The following IQCM variants were observed in gnomAD, a reference collection of about 807,000 sequenced individuals.
IQCM encodes IQ motif containing M, also known as IQ domain-containing protein M.
In IQCM, 45 loss-of-function variants were observed where a neutral mutation model predicts 57.6. That is an observed-to-expected ratio of 0.78 (90% CI 0.62 to 1.00). The LOEUF (loss-of-function observed/expected upper bound fraction) is 1.00, where lower values mean the gene tolerates loss of function less well. Among genes scored for constraint, IQCM ranks in the 50% least tolerant of loss-of-function variants. IQCM has a pLI of 0.00. For synonymous variants in IQCM, 148 were observed against 158.9 expected, an observed-to-expected ratio of 0.93 and a Z score of 0.51; for missense variants, 468 against 511.6, an observed-to-expected ratio of 0.91 and a Z score of 0.82.
intron 13 of IQCM, among the ~76,000 whole-genome samples, chr4:149,354,686 A>T (rs1728834687): frequency 6.6e-6 from 1 of 152,162 alleles, no homozygotes; most frequent in African/African-American, 2.4e-5. Flanking sequence ...GCCCAAGTTC[A>T]TGTTCTTATA....
At chr4:149,455,993 A>T (rs190065055) in intron 12 of IQCM, among the ~76,000 whole-genome samples, 1 of 152,100 alleles carries the variant, frequency 6.6e-6, no homozygotes, top group Non-Finnish European at 1.5e-5. Context: ...TAAAAATAAA[A>T]TTTTAAAAAA....
intron 7 of IQCM, among the ~76,000 whole-genome samples, chr4:149,632,910 C>A (rs1322877276): frequency 1.3e-5 from 2 of 151,738 alleles, no homozygotes; most frequent in Admixed American, 1.3e-4. Flanking sequence ...GCCTGTAATC[C>A]CAGCACTTTG....
chr4:149,615,782 C>T (rs188451346), intron 8 of IQCM, among the ~76,000 whole-genome samples: 1 of 152,254 alleles, frequency 6.6e-6, no homozygotes, highest in Admixed American at 6.5e-5. Context: ...TATCTCTCTT[C>T]CAATGAAATC....
At chr4:149,445,108 G>A (rs567980585) in intron 12 of IQCM, among the ~76,000 whole-genome samples, 1 of 151,890 alleles carries the variant, frequency 6.6e-6, no homozygotes, top group East Asian at 1.9e-4. Flanking sequence ...AGACATTTTG[G>A]TGACAATCAG....
intron 12 of IQCM, among the ~76,000 whole-genome samples, chr4:149,456,657 T>G (rs1251613337): frequency 6.6e-6 from 1 of 152,028 alleles, no homozygotes; most frequent in African/African-American, 2.4e-5. Flanking sequence ...AGATTTTGGA[T>G]TTTTTGGTGA....
intron 2 of IQCM, among the ~76,000 whole-genome samples, chr4:149,759,103 G>A (rs1000815734): frequency 1.3e-5 from 2 of 152,150 alleles, no homozygotes; most frequent in Non-Finnish European, 2.9e-5. Flanking sequence ...GAGCTATCCA[G>A]CCATGAAAAG....
chr4:149,641,889 G>A (rs1758225014), intron 7 of IQCM, among the ~76,000 whole-genome samples: 1 of 152,046 alleles, frequency 6.6e-6, no homozygotes, highest in Admixed American at 6.6e-5. Context: ...TTGGGAAATT[G>A]CCTTTTTAAA....
chr4:149,474,569 A>G (rs923650324), intron 12 of IQCM, among the ~76,000 whole-genome samples: 22 of 122,270 alleles, frequency 1.8e-4, no homozygotes, highest in African/African-American at 5.0e-4. Flanking sequence ...AAAAAAAAAA[A>G]GGCCAGGTGT....
rs117995404 is a variant in IQCM, at chr4:149,398,610, T to A, written c.1390+34786A>T. ...CTAAGCTTTATTCTTTGTGATGTTATTGTAAACAGAATTGTTTTCTTAATG... is the reference window on the plus strand; with the variant it reads ...CTAAGCTTTATTCTTTGTGATGTTAATGTAAACAGAATTGTTTTCTTAATG... On this transcript the variant is annotated intron_variant, in intron 13 of 13. Coordinates refer to ENST00000636793, the MANE Select transcript of IQCM (RefSeq NM_001363507.2). Among the ~76,000 whole-genome samples, 722 of 152,244 alleles carry A rather than the reference T, an allele frequency of 4.7e-3. 1 individual carries two copies. The highest frequency in any genetic ancestry group is 0.017 in the Middle Eastern group (5 of 294).
intron 8 of IQCM, among the ~76,000 whole-genome samples, chr4:149,619,103 GATGGATATAT>G (rs1394548506): frequency 6.7e-5 from 7 of 104,386 alleles, no homozygotes; most frequent in Non-Finnish European, 1.0e-4. Context: ...AAAAATGTGG[GATGGATATAT>G]ATATATATAT....
chr4:149,551,082 C>T (rs183349090), intron 11 of IQCM, among the ~76,000 whole-genome samples: 6 of 152,302 alleles, frequency 3.9e-5, no homozygotes, highest in Admixed American at 3.3e-4. Flanking sequence ...AAAATGCAAT[C>T]GTCTATAAAG....
At chr4:149,791,496 T>C (rs1365045546) in intron 2 of IQCM, among the ~76,000 whole-genome samples, 3 of 152,166 alleles carry the variant, frequency 2.0e-5, no homozygotes, top group Non-Finnish European at 2.9e-5. Context: ...AGTTGCCCTA[T>C]TGTGCTACCA....
intron 12 of IQCM, among the ~76,000 whole-genome samples, chr4:149,445,328 G>A (rs905811294): frequency 1.3e-5 from 2 of 151,758 alleles, no homozygotes; most frequent in Admixed American, 6.6e-5. Flanking sequence ...ACCACATTTA[G>A]ATATAAATAT....
At chr4:149,790,626 A>T (rs10520041) in intron 2 of IQCM, among the ~76,000 whole-genome samples, 6,590 of 151,968 alleles carry the variant, frequency 0.043, 515 homozygotes, top group East Asian at 0.22. Context: ...CTGGTTGTAT[A>T]AAAAAACTGT....
chr4:149,719,934 C>T (rs1765307828), intron 5 of IQCM, among the ~76,000 whole-genome samples: 1 of 152,180 alleles, frequency 6.6e-6, no homozygotes, highest in Non-Finnish European at 1.5e-5. Flanking sequence ...CCAAAACCAA[C>T]ACATGTTCAC....
At chr4:149,488,384 T>C (rs1166486040) in intron 12 of IQCM, among the ~76,000 whole-genome samples, 1 of 152,200 alleles carries the variant, frequency 6.6e-6, no homozygotes, top group African/African-American at 2.4e-5. Flanking sequence ...AAAAATCTTA[T>C]CTGAAAATAC....
chr4:149,453,777 A>G (rs1737381775), intron 12 of IQCM, among the ~76,000 whole-genome samples: 1 of 151,896 alleles, frequency 6.6e-6, no homozygotes, highest in Admixed American at 6.6e-5. Flanking sequence ...TGAGATTGTA[A>G]AATAGTGCAA....
At position 149,469,022 on chromosome 4, in the gene IQCM, GA is replaced by G. The variant is rs528528290; in HGVS notation, c.1229-35466del. Among the ~76,000 whole-genome samples the G allele has an allele frequency of 1.2e-3, 177 of 152,274 alleles. 2 individuals carry two copies. Among genetic ancestry groups the G allele is most frequent in the African/African-American group, 4.2e-3 (176 of 41,558 alleles). On this transcript the variant is annotated intron_variant, in intron 12 of 13. Transcript: ENST00000636793. ...GTAGACAAAACCACAAAGATGGGGA[GA>G]AATGAGAGCAGTAAAACTGGAAACT...
At chr4:149,577,445 A>G (rs1404381035) in intron 9 of IQCM, among the ~76,000 whole-genome samples, 1 of 151,982 alleles carries the variant, frequency 6.6e-6, no homozygotes, top group Non-Finnish European at 1.5e-5. Context: ...AATCTCCTAC[A>G]TATAGCTAGG....
Sources: allele counts gnomAD v4.1 joint callset (sites outside exome capture counted in the v4.1 genomes callset), GRCh38; gene constraint gnomAD v4.1.1; transcripts MANE v1.5; gene names NCBI Gene and HGNC (gene_info 2026-07-23, HGNC 2026-07-21).